Variants in FER1L6 observed in about 807,000 individuals in gnomAD.
FER1L6 encodes the protein fer-1 like family member 6, also known as fer-1-like protein 6.
A neutral mutation model predicts 219.2 loss-of-function variants in FER1L6; 177 were observed. That is an observed-to-expected ratio of 0.81 (90% CI 0.71 to 0.91). The LOEUF (loss-of-function observed/expected upper bound fraction) is 0.91, where lower values mean the gene tolerates loss of function less well. FER1L6 is among the 40% of genes least tolerant of loss of function. FER1L6 has a pLI of 0.00. For missense variants in FER1L6, 2,153 were observed against 2,259.9 expected (o/e 0.95, Z 0.96); for synonymous variants, 768 against 824.3 (o/e 0.93, Z 1.17).
chr8:124,078,006 G>A (rs73330146), intron 32 of FER1L6, among the ~76,000 whole-genome samples: 5,315 of 152,080 alleles, frequency 0.035, 301 homozygotes, highest in African/African-American at 0.12. Flanking sequence ...ACCTTTCTTC[G>A]TAGCCTCTGA....
chr8:123,895,865 T>A (rs1187337170), intron 1 of FER1L6, among the ~76,000 whole-genome samples: 6 of 151,780 alleles, frequency 4.0e-5, no homozygotes, highest in South Asian at 4.2e-4. Flanking sequence ...TTACAAAGAG[T>A]GTTATTGATG....
At chr8:123,948,058 A>G (rs989232322) in intron 1 of FER1L6, among the ~76,000 whole-genome samples, 1 of 152,196 alleles carries the variant, frequency 6.6e-6, no homozygotes, top group African/African-American at 2.4e-5. Context: ...ACCCTAAGAG[A>G]CATTCATAAT....
At chr8:123,937,623 A>G (rs1814063129) in intron 1 of FER1L6, among the ~76,000 whole-genome samples, 1 of 152,206 alleles carries the variant, frequency 6.6e-6, no homozygotes, top group Non-Finnish European at 1.5e-5. Flanking sequence ...TGTTTTTCTC[A>G]TCTAGAATAT....
intron 28 of FER1L6, among the ~76,000 whole-genome samples, chr8:124,068,651 G>A (rs1346992140): frequency 6.6e-6 from 1 of 152,206 alleles, no homozygotes; most frequent in Non-Finnish European, 1.5e-5. Context: ...AAGCTTTGGA[G>A]TCAGTCCAAG....
At chr8:123,996,880 C>G (rs989937416) in intron 12 of FER1L6, among the ~76,000 whole-genome samples, 1 of 151,584 alleles carries the variant, frequency 6.6e-6, no homozygotes, top group Non-Finnish European at 1.5e-5. Context: ...TATAAAGAAG[C>G]AAAAAAAGCA....
intron 1 of FER1L6, among the ~76,000 whole-genome samples, chr8:123,873,506 A>G (rs890332452): frequency 6.6e-6 from 1 of 152,148 alleles, no homozygotes; most frequent in African/African-American, 2.4e-5. Flanking sequence ...TTTGAAGCGG[A>G]AAAGTTTTAC....
In FER1L6 at chr8:123,853,984, G is replaced by A. The variant is rs900590221; in HGVS notation, c.-8+1799G>A. Among the ~76,000 whole-genome samples the A allele has an allele frequency of 1.1e-4, 16 of 152,176 alleles. No individual in the cohort carries two copies. The highest frequency in any genetic ancestry group is 3.2e-3 in the Middle Eastern group (1 of 316). On this transcript the variant is annotated intron_variant, in intron 1 of 40. Coordinates refer to ENST00000522917, the MANE Select transcript of FER1L6 (RefSeq NM_001039112.2). This position sits in a 1 kb window ranked among gnomAD's most constrained non-coding sequence, Gnocchi z 6.6. ...GGCTCTCAGGGAAGCATCAGGGACC[G>A]TGATTAGAAAGTTTACGTCTGAGTG...
intron 15 of FER1L6, 111 bp from the exon 16 acceptor site, chr8:124,017,517 T>C: frequency 1.3e-6 from 1 of 757,454 alleles, no homozygotes; most frequent in South Asian, 2.0e-5. Context: ...ATTGGTTTTA[T>C]GGCTTCAAAA....
At chr8:123,868,435 G>C (rs962389448) in intron 1 of FER1L6, among the ~76,000 whole-genome samples, 1 of 152,180 alleles carries the variant, frequency 6.6e-6, no homozygotes, top group Non-Finnish European at 1.5e-5. Flanking sequence ...GTCAGTTCAA[G>C]AGAGCTCTTT....
intron 1 of FER1L6, among the ~76,000 whole-genome samples, chr8:123,902,812 G>T (rs975925192): frequency 1.1e-4 from 16 of 152,154 alleles, no homozygotes. Flanking sequence ...AGGTACTCTT[G>T]CTTTCATCGT....
intron 1 of FER1L6, among the ~76,000 whole-genome samples, chr8:123,920,018 C>CTTA (rs1563685594): frequency 6.6e-6 from 1 of 152,228 alleles, no homozygotes; most frequent in Non-Finnish European, 1.5e-5. Flanking sequence ...TCATACTTCT[C>CTTA]TTACAAAACA....
rs183470728 is a variant in FER1L6 at position 124,113,682 on chromosome 8, C to T, written c.5290-5162C>T. Among the ~76,000 whole-genome samples the T allele has an allele frequency of 2.2e-4, 34 of 152,222 alleles. No individual in the cohort carries two copies. The East Asian group carries it at 6.2e-3, about 28-fold the overall frequency. On this transcript the variant is annotated intron_variant, in intron 39 of 40. Transcript: ENST00000522917. Reference sequence around the variant, plus strand: ...GTTAAAACAATCTTCTGACATTTTCCCCTCATGTTGACTATTTGATGAGAC... The same window carrying T: ...GTTAAAACAATCTTCTGACATTTTCTCCTCATGTTGACTATTTGATGAGAC...
intron 1 of FER1L6, among the ~76,000 whole-genome samples, chr8:123,892,560 G>A (rs1041470830): frequency 6.6e-6 from 1 of 152,172 alleles, no homozygotes; most frequent in Non-Finnish European, 1.5e-5. Flanking sequence ...CAAAGTGCTG[G>A]GATTAGAGGC....
chr8:124,034,523 C>G (rs113208459), intron 18 of FER1L6, among the ~76,000 whole-genome samples: 5 of 152,338 alleles, frequency 3.3e-5, no homozygotes, highest in African/African-American at 1.2e-4. Context: ...CATACTAATA[C>G]TACCCCACTC....
chr8:124,092,607 C>T (rs1822082966), intron 34 of FER1L6, among the ~76,000 whole-genome samples: 1 of 152,140 alleles, frequency 6.6e-6, no homozygotes, highest in Non-Finnish European at 1.5e-5. Context: ...AATTCTCATA[C>T]TGTCACACTG....
At chr8:124,040,332 C>T (rs1819430564) in intron 20 of FER1L6, 1 of 336,044 alleles carries the variant, frequency 3.0e-6, no homozygotes, top group Non-Finnish European at 5.7e-6. Context: ...GAGGAAACAG[C>T]ACAGATCAAC....
chr8:123,949,484 C>T (rs1471246123), intron 1 of FER1L6, among the ~76,000 whole-genome samples: 1 of 152,196 alleles, frequency 6.6e-6, no homozygotes, highest in Admixed American at 6.5e-5. Context: ...TAAACATACC[C>T]TTCTCTTTAC....
In FER1L6 at chr8:123,855,227, GTGA is replaced by G. The variant is rs531932691; in HGVS notation, c.-8+3045_-8+3047del. Among the ~76,000 whole-genome samples, 236 of 152,302 alleles carry G rather than the reference GTGA, an allele frequency of 1.5e-3. 1 individual carries two copies. Among genetic ancestry groups the G allele is most frequent in the African/African-American group, 5.3e-3 (219 of 41,558 alleles). On this transcript the variant is annotated intron_variant, in intron 1 of 40. Coordinates refer to ENST00000522917, the MANE Select transcript of FER1L6 (RefSeq NM_001039112.2). The stretch of plus-strand genomic sequence containing the variant: ...CCAGGCATCATGGGAGAGGGATGCT[GTGA>G]TGCGTGCTCTCAGTTCTTTTATGTG...
At chr8:123,935,342 A>G (rs1813944455) in intron 1 of FER1L6, among the ~76,000 whole-genome samples, 1 of 152,126 alleles carries the variant, frequency 6.6e-6, no homozygotes, top group South Asian at 2.1e-4. Flanking sequence ...ACATTTCTCC[A>G]TCAGTTTTTG....
Sources: gnomAD v4.1 joint callset for allele counts (sites outside exome capture counted in the v4.1 genomes callset) on GRCh38, gnomAD v4.1.1 for gene constraint, Gnocchi (gnomAD v3.1) non-coding constraint, MANE v1.5 for transcripts, NCBI Gene and HGNC (gene_info 2026-07-23, HGNC 2026-07-21) for gene names.